MTUS2: variants seen among roughly 807,000 people sequenced by gnomAD.
MTUS2 encodes microtubule-associated tumor suppressor candidate 2.
A neutral mutation model predicts 114.1 loss-of-function variants in MTUS2; 40 were observed. That is an observed-to-expected ratio of 0.35 (90% confidence interval 0.27 to 0.46). The LOEUF is 0.46. Among genes scored for constraint, MTUS2 ranks in the 20% least tolerant of loss-of-function variants. The probability of loss-of-function intolerance (pLI) is 1.00; values close to 1 mark genes in which losing one functional copy is unlikely to be tolerated. For missense variants in MTUS2, 1,679 were observed against 1,705.4 expected (o/e 0.98, Z 0.27); for synonymous variants, 688 against 672.0 (o/e 1.02, Z -0.37).
chr13:28,898,083 G>C (rs978902061), intron 2 of MTUS2, among the ~76,000 whole-genome samples: 20 of 152,096 alleles, frequency 1.3e-4, no homozygotes, highest in Non-Finnish European at 2.6e-4. Flanking sequence ...TGTTTGGGGG[G>C]CTGGGGAGTG....
chr13:29,343,626 A>T (rs1868382447), intron 7 of MTUS2, among the ~76,000 whole-genome samples: 1 of 151,262 alleles, frequency 6.6e-6, no homozygotes, highest in South Asian at 2.1e-4. Context: ...TATCTTTTGT[A>T]TTATTTTGTC....
At chr13:29,232,325 C>CACACACATACACAT (rs71090234) in intron 5 of MTUS2, among the ~76,000 whole-genome samples, 1 of 151,542 alleles carries the variant, frequency 6.6e-6, no homozygotes, top group Non-Finnish European at 1.5e-5. Flanking sequence ...CACACACACG[C>CACACACATACACAT]ACACATACAC....
intron 2 of MTUS2, among the ~76,000 whole-genome samples, chr13:28,923,256 C>A (rs928565618): frequency 6.6e-6 from 1 of 152,006 alleles, no homozygotes; most frequent in Non-Finnish European, 1.5e-5. Flanking sequence ...TGCTAACATC[C>A]GATTCATCTC....
chr13:29,279,022 ATAAC>A (rs1204749358), intron 5 of MTUS2, among the ~76,000 whole-genome samples: 1 of 152,202 alleles, frequency 6.6e-6, no homozygotes, highest in Non-Finnish European at 1.5e-5. Flanking sequence ...ATGTACATTA[ATAAC>A]TAACACATAG....
intron 2 of MTUS2, among the ~76,000 whole-genome samples, chr13:28,859,232 G>A (rs947298728): frequency 2.0e-5 from 3 of 152,318 alleles, no homozygotes; most frequent in South Asian, 2.1e-4. Context: ...CTGTTCAGTG[G>A]TCAGTACTAC....
At chr13:28,882,542 C>T (rs1878354432) in intron 2 of MTUS2, among the ~76,000 whole-genome samples, 1 of 152,028 alleles carries the variant, frequency 6.6e-6, no homozygotes, top group African/African-American at 2.4e-5. Flanking sequence ...TTGAGGCCAG[C>T]CTGGGTAACA....
At chr13:29,385,616 T>TTGC (rs1000268947) in intron 8 of MTUS2, among the ~76,000 whole-genome samples, 1 of 139,394 alleles carries the variant, frequency 7.2e-6, no homozygotes, top group Non-Finnish European at 1.6e-5. Context: ...AGTTTGCCTG[T>TTGC]TGCTGCTGCT....
chr13:29,066,329 G>A (rs1293683994), intron 4 of MTUS2, among the ~76,000 whole-genome samples: 1 of 152,198 alleles, frequency 6.6e-6, no homozygotes, highest in East Asian at 1.9e-4. Context: ...CATATAGTCT[G>A]TGATAACAAA....
intron 8 of MTUS2, among the ~76,000 whole-genome samples, chr13:29,404,175 A>C (rs2138510802): frequency 1.6e-5 from 1 of 63,840 alleles, no homozygotes; most frequent in Non-Finnish European, 3.3e-5. Flanking sequence ...CTCCATCTCT[A>C]CAAAAAAAAA....
chr13:29,371,974 C>CCG (rs1871220385), intron 8 of MTUS2, among the ~76,000 whole-genome samples: 4 of 14,458 alleles, frequency 2.8e-4, no homozygotes, highest in Non-Finnish European at 8.6e-4. Context: ...TCCTCAACCC[C>CCG]CGCCCCCCCC....
intron 6 of MTUS2, among the ~76,000 whole-genome samples, chr13:29,287,500 A>G (rs12019826): frequency 3.3e-5 from 5 of 151,830 alleles, no homozygotes; most frequent in Non-Finnish European, 4.4e-5. Context: ...ATCACTCTGT[A>G]TGTGTGTGGT....
intron 5 of MTUS2, among the ~76,000 whole-genome samples, chr13:29,252,277 G>A (rs1417897008): frequency 6.6e-6 from 1 of 152,080 alleles, no homozygotes; most frequent in African/African-American, 2.4e-5. Context: ...CTCCTAGTTA[G>A]ACCATGAAAT....
At chr13:28,961,378 G>A (rs548851702) in intron 2 of MTUS2, among the ~76,000 whole-genome samples, 2 of 152,164 alleles carry the variant, frequency 1.3e-5, no homozygotes, top group African/African-American at 4.8e-5. Flanking sequence ...GTTGAAAGTA[G>A]CATCATAGAA....
intron 2 of MTUS2, among the ~76,000 whole-genome samples, chr13:28,843,891 T>G (rs1875678130): frequency 6.6e-6 from 1 of 152,216 alleles, no homozygotes; most frequent in Non-Finnish European, 1.5e-5. Flanking sequence ...CTTCTGCTAT[T>G]AGAAGCAGAT....
intron 5 of MTUS2, among the ~76,000 whole-genome samples, chr13:29,273,868 C>A (rs1381357313): frequency 1.3e-5 from 2 of 152,244 alleles, no homozygotes; most frequent in Non-Finnish European, 2.9e-5. Flanking sequence ...CTTCTTATGG[C>A]TGAATAATGT....
chr13:29,354,105 GT>G (rs1842985571), intron 7 of MTUS2, among the ~76,000 whole-genome samples: 1 of 152,146 alleles, frequency 6.6e-6, no homozygotes, highest in South Asian at 2.1e-4. Context: ...CTGCATCACA[GT>G]TTGAAAAGTC....
intron 5 of MTUS2, among the ~76,000 whole-genome samples, chr13:29,109,364 A>G (rs779072514): frequency 2.0e-5 from 3 of 152,180 alleles, no homozygotes. Context: ...AATTTCAAGT[A>G]TACAATATAG....
chr13:29,252,497 G>A (rs1297505267), intron 5 of MTUS2, among the ~76,000 whole-genome samples: 1 of 152,152 alleles, frequency 6.6e-6, no homozygotes, highest in African/African-American at 2.4e-5. Flanking sequence ...AAATGTAGGA[G>A]GCAGGGGAGG....
intron 8 of MTUS2, among the ~76,000 whole-genome samples, chr13:29,409,045 C>G (rs543186097): frequency 5.3e-4 from 80 of 152,342 alleles, no homozygotes; most frequent in African/African-American, 1.8e-3. Flanking sequence ...TATAGCTGGG[C>G]ATGGTGGCTC....
Sources: allele counts gnomAD v4.1 joint callset (sites outside exome capture counted in the v4.1 genomes callset), GRCh38; gene constraint gnomAD v4.1.1; transcripts MANE v1.5; gene names NCBI Gene and HGNC (gene_info 2026-07-23, HGNC 2026-07-21).